Variants in TRMT1L observed in about 807,000 individuals in gnomAD.
TRMT1L encodes the protein tRNA (guanine(27)-N(2))-dimethyltransferase.
A neutral mutation model predicts 81.6 loss-of-function variants in TRMT1L; 28 were observed. That is an observed-to-expected ratio of 0.34 (90% CI 0.25 to 0.47). The LOEUF is 0.47. Among genes scored for constraint, TRMT1L ranks in the 20% least tolerant of loss-of-function variants. TRMT1L has a pLI of 1.00. For missense variants in TRMT1L, 739 were observed against 877.1 expected (o/e 0.84, Z 1.99); for synonymous variants, 301 against 303.2 (o/e 0.99, Z 0.07).
intron 5 of TRMT1L, among the ~76,000 whole-genome samples, 169 bp from the exon 6 acceptor site, chr1:185,144,198 A>G (rs891320198): frequency 3.3e-5 from 5 of 152,036 alleles, no homozygotes; most frequent in African/African-American, 1.2e-4. Flanking sequence ...AGATGTAAAC[A>G]AACCAAAACC....
intron 13 of TRMT1L, 143 bp from the exon 14 acceptor site, chr1:185,120,652 T>C: frequency 2.7e-6 from 2 of 737,618 alleles, no homozygotes; most frequent in Non-Finnish European, 3.7e-6. Context: ...ATTTATTCTA[T>C]TTTCACGGTC....
chr1:185,132,810 T>C (rs1652806674), intron 10 of TRMT1L, among the ~76,000 whole-genome samples: 1 of 152,188 alleles, frequency 6.6e-6, no homozygotes. Context: ...TACTTAGCCA[T>C]GCAATACTTC....
intron 10 of TRMT1L, among the ~76,000 whole-genome samples, chr1:185,131,459 C>T (rs1652768569): frequency 6.6e-6 from 1 of 151,680 alleles, no homozygotes; most frequent in Non-Finnish European, 1.5e-5. Context: ...ACAAAACAAA[C>T]AAAAAACCCC....
chr1:185,124,987 T>A lies in TRMT1L; in HGVS notation c.1716A>T (p.Gln572His). 1 of 1,612,778 alleles carries A rather than the reference T, an allele frequency of 6.2e-7. No homozygotes were observed. Among genetic ancestry groups the A allele is most frequent in the Non-Finnish European group, 8.5e-7 (1 of 1,179,252 alleles). Residue 572 changes from glutamine (Q) to histidine (H), a missense_variant, in exon 12 of 15, where the codon CAA becomes CAT. By Grantham distance (24) the Gln-to-His change is conservative (BLOSUM62 0). Coordinates refer to ENST00000367506, the MANE Select transcript of TRMT1L (RefSeq NM_030934.5). ...AAGATGCATGAATTGAAAACTGACTTTGAGGCGTACACTCTGATTCAAAGA... is the reference window on the plus strand; with the variant it reads ...AAGATGCATGAATTGAAAACTGACTATGAGGCGTACACTCTGATTCAAAGA... ...TLIFESECTP[Q>H]SQFSIHASSN...
At chr1:185,133,386 G>C (rs1326288299) in intron 10 of TRMT1L, among the ~76,000 whole-genome samples, 1 of 151,944 alleles carries the variant, frequency 6.6e-6, no homozygotes, top group Middle Eastern at 3.2e-3. Context: ...CTGTACTGTA[G>C]CAGCCTTCCA....
chr1:185,142,198 T>C (rs1030632863), intron 7 of TRMT1L, among the ~76,000 whole-genome samples: 12 of 152,182 alleles, frequency 7.9e-5, no homozygotes, highest in Non-Finnish European at 1.6e-4. Flanking sequence ...CTGATCATCA[T>C]GGTAGTAGCA....
At chr1:185,133,655 TG>T (rs1180122599) in intron 10 of TRMT1L, among the ~76,000 whole-genome samples, 7 of 151,214 alleles carry the variant, frequency 4.6e-5, no homozygotes, top group Admixed American at 6.6e-5. Context: ...TGGAGTGCAG[TG>T]GTGTAACCAT....
chr1:185,128,759 TAATA>T lies in TRMT1L; in HGVS notation c.1514-16_1514-13del. ...TCTATATGGGTTTTCTGTAAAAAGA[TAATA>T]AAAGGAGAAATCAAAGGAGAAATGA... On this transcript the variant is annotated splice_polypyrimidine_tract_variant and intron_variant, in intron 10 of 14. Coordinates refer to ENST00000367506, the MANE Select transcript of TRMT1L (RefSeq NM_030934.5). 3 of 1,592,958 alleles carry T rather than the reference TAATA, an allele frequency of 1.9e-6. No individual in the cohort carries two copies. Among genetic ancestry groups the T allele is most frequent in the Non-Finnish European group, 2.6e-6 (3 of 1,171,676 alleles).
rs757766786 is a variant in TRMT1L, at chr1:185,150,509, A to T, written c.347-17T>A. ...GTCTGTTGCCTTAAAAAGAAAAAAG[A>T]ATCAATAAACAACAGAATATTCTAG... On this transcript the variant is annotated splice_polypyrimidine_tract_variant and intron_variant, in intron 2 of 14. Coordinates refer to ENST00000367506, the MANE Select transcript of TRMT1L (RefSeq NM_030934.5). 3 of 1,559,926 alleles carry T rather than the reference A, an allele frequency of 1.9e-6. No individual in the cohort carries two copies. The South Asian group carries it at 3.4e-5, about 17-fold the overall frequency.
chr1:185,140,049 C>T lies in TRMT1L; in HGVS notation c.1033G>A (p.Glu345Lys), dbSNP rs775568327. The change falls in exon 8 of 15, where the codon GAG (glutamate) becomes AAG (lysine). Residue 345 changes from glutamate to lysine, a missense_variant. Glu to Lys is a moderately conservative substitution (Grantham distance 56, BLOSUM62 1). Coordinates refer to ENST00000367506, the MANE Select transcript of TRMT1L (RefSeq NM_030934.5). ...EKSDDILEEGEKNLGNIKVTK... is the reference protein window; with the variant it reads ...EKSDDILEEGKKNLGNIKVTK... ...ACCTTAATATTACCAAGATTTTTCT[C>T]TCCTTCTTCAAGAATATCATCACTC... 1 of 1,613,612 alleles carries T rather than the reference C, an allele frequency of 6.2e-7. No homozygotes were observed.
intron 1 of TRMT1L, among the ~76,000 whole-genome samples, chr1:185,155,497 T>C (rs1653489903): frequency 6.6e-6 from 1 of 152,266 alleles, no homozygotes; most frequent in Non-Finnish European, 1.5e-5. Context: ...AATTTGTATG[T>C]TGTTTCAAAA....
intron 7 of TRMT1L, 76 bp downstream of exon 7, chr1:185,143,281 C>A: frequency 7.7e-7 from 1 of 1,298,668 alleles, no homozygotes; most frequent in Non-Finnish European, 1.1e-6. Flanking sequence ...CATCACTGCC[C>A]ATATATATTT....
chr1:185,133,854 T>A (rs1238339031), intron 10 of TRMT1L, among the ~76,000 whole-genome samples: 1 of 152,142 alleles, frequency 6.6e-6, no homozygotes, highest in East Asian at 1.9e-4. Flanking sequence ...GGATAATAAA[T>A]GTTGTTTAAA....
rs571154240 is a variant in TRMT1L, at chr1:185,119,924, C to T, written c.*95G>A. On this transcript the variant is annotated 3_prime_UTR_variant, in exon 15 of 15. Transcript: ENST00000367506. ...AATGACACTGTTTTTTATTTTTACT[C>T]TACTGAATTGAAAGAACAGAAAAAG... The T allele has an allele frequency of 5.3e-6, 7 of 1,320,100 alleles. No homozygotes were observed. Among genetic ancestry groups the T allele is most frequent in the Middle Eastern group, 2.0e-4 (1 of 5,112 alleles). 81.8% of individuals were successfully genotyped at this position (1,320,100 alleles called of 1,614,324 possible).
chr1:185,140,235 G>A lies in TRMT1L; in HGVS notation c.860-13C>T. Reference sequence around the variant, plus strand: ...AATCCCATTATCCCTTAGGAAAAATGGGAAGAAAATGAGTTTTATAATTGT... The same window carrying A: ...AATCCCATTATCCCTTAGGAAAAATAGGAAGAAAATGAGTTTTATAATTGT... On this transcript the variant is annotated splice_polypyrimidine_tract_variant and intron_variant, in intron 7 of 14. Transcript: ENST00000367506. 3 of 1,576,190 alleles carry A rather than the reference G, an allele frequency of 1.9e-6. No homozygotes were observed. The highest frequency in any genetic ancestry group is 2.6e-6 in the Non-Finnish European group (3 of 1,160,384).
intron 11 of TRMT1L, 60 bp downstream of exon 11, chr1:185,128,609 G>C (rs1652693235): frequency 6.8e-7 from 1 of 1,464,808 alleles, no homozygotes; most frequent in African/African-American, 1.4e-5. Context: ...ATAAAAATCA[G>C]CAATTAATAA....
chr1:185,123,872 T>A lies in TRMT1L; in HGVS notation c.1807A>T (p.Asn603Tyr). 6.6e-7 allele frequency: 1 copy of A among 1,515,406 alleles called. No individual in the cohort carries two copies. Among genetic ancestry groups the A allele is most frequent in the South Asian group, 1.3e-5 (1 of 77,968 alleles). 93.9% of individuals were successfully genotyped at this position (1,515,406 alleles called of 1,614,324 possible). A position where few individuals can be genotyped will look rare whatever the true frequency, so the allele number is the denominator to read the frequency against. Residue 603 changes from asparagine (N) to tyrosine (Y), a missense_variant, in exon 13 of 15, where the codon AAT (asparagine) becomes TAT (tyrosine). Physicochemically the swap from Asn to Tyr is moderately radical, Grantham distance 143. This residue lies in a region of TRMT1L where 196 missense variants were observed against 232.6 expected (regional missense o/e 0.84). Coordinates refer to ENST00000367506, the MANE Select transcript of TRMT1L (RefSeq NM_030934.5). Reference protein sequence around the residue: ...IKTTDDTTTDNYIAQGKRKSN... With the variant: ...IKTTDDTTTDYYIAQGKRKSN... ...GCATACATACCTTGTGCAATGTAAT[T>A]ATCTGTTGTGGTGTCATCTGTAGTT...
At chr1:185,125,596 G>T (rs1240906109) in intron 11 of TRMT1L, among the ~76,000 whole-genome samples, 1 of 152,180 alleles carries the variant, frequency 6.6e-6, no homozygotes, top group Non-Finnish European at 1.5e-5. Flanking sequence ...AAGGGAGAGG[G>T]TGATGAAGAG....
Position 185,156,953 on chromosome 1 carries a change from C to T in TRMT1L, c.-241G>A. 2 of 576,146 alleles carry T rather than the reference C, an allele frequency of 3.5e-6. No individual in the cohort carries two copies. The highest frequency in any genetic ancestry group is 4.2e-5 in the South Asian group (2 of 47,304). 35.7% of individuals were successfully genotyped at this position (576,146 alleles called of 1,614,324 possible). A position where few individuals can be genotyped will look rare whatever the true frequency, so the allele number is the denominator to read the frequency against. ...CCGCTTCCCTTTCCCCGAGGCGTTACGACGCCACCACAAACTGCGCAGAAG... is the reference window on the plus strand; with the variant it reads ...CCGCTTCCCTTTCCCCGAGGCGTTATGACGCCACCACAAACTGCGCAGAAG... On this transcript the variant is annotated 5_prime_UTR_variant, in exon 1 of 15. Transcript: ENST00000367506.
Sources: gnomAD v4.1 joint callset for allele counts (sites outside exome capture counted in the v4.1 genomes callset) on GRCh38, gnomAD v4.1.1 for gene constraint, gnomAD v4.1.1 regional missense constraint, MANE v1.5 for transcripts, NCBI Gene and HGNC (gene_info 2026-07-23, HGNC 2026-07-21) for gene names.